BCR: variants seen among roughly 807,000 people sequenced by gnomAD.
BCR encodes the protein breakpoint cluster region protein.
A neutral mutation model predicts 138.6 loss-of-function variants in BCR; 58 were observed. That is an observed-to-expected ratio of 0.42 (90% CI 0.34 to 0.52). The LOEUF (loss-of-function observed/expected upper bound fraction) is 0.52. Ranked by LOEUF, BCR falls within the 20% of genes least tolerant of loss-of-function variation. The probability of loss-of-function intolerance (pLI) is 0.06; values close to 1 mark genes in which losing one functional copy is unlikely to be tolerated. For synonymous variants in BCR, 786 were observed against 730.1 expected, an observed-to-expected ratio of 1.08 and a Z score of -1.23; for missense variants, 1,599 against 1,727.2, an observed-to-expected ratio of 0.93 and a Z score of 1.32.
chr22:23,236,359 A>G (rs2073023756), intron 1 of BCR, among the ~76,000 whole-genome samples: 2 of 152,188 alleles, frequency 1.3e-5, no homozygotes, highest in South Asian at 4.1e-4. Flanking sequence ...GTTTGTCTGC[A>G]CTGCTGCTGT....
At chr22:23,234,643 A>G (rs10427784) in intron 1 of BCR, among the ~76,000 whole-genome samples, 2,355 of 152,246 alleles carry the variant, frequency 0.015, 58 homozygotes, top group African/African-American at 0.053. Context: ...TGGGAGGGCC[A>G]AGACTCAGGG....
intron 1 of BCR, among the ~76,000 whole-genome samples, chr22:23,199,745 G>A (rs1306961976): frequency 6.6e-6 from 1 of 152,160 alleles, no homozygotes; most frequent in African/African-American, 2.4e-5. Context: ...TTTCAAGTCT[G>A]TGAATTAATT....
At chr22:23,220,539 G>A (rs1423674728) in intron 1 of BCR, among the ~76,000 whole-genome samples, 1 of 152,234 alleles carries the variant, frequency 6.6e-6, no homozygotes, top group African/African-American at 2.4e-5. Flanking sequence ...TCTGCTAGGG[G>A]AGGTGGAAGC....
chr22:23,273,915 C>A, intron 8 of BCR, 141 bp downstream of exon 8: 2 of 1,236,458 alleles, frequency 1.6e-6, no homozygotes, highest in Non-Finnish European at 2.3e-6. Context: ...GCCGCACACT[C>A]AGTCCTGTGT....
intron 1 of BCR, among the ~76,000 whole-genome samples, chr22:23,237,642 G>A (rs1602050136): frequency 6.6e-6 from 1 of 152,360 alleles, no homozygotes; most frequent in African/African-American, 2.4e-5. Context: ...GATTTTTGCT[G>A]GAGAAGAGAA....
intron 1 of BCR, among the ~76,000 whole-genome samples, chr22:23,222,187 T>C (rs1402120812): frequency 6.6e-6 from 1 of 152,230 alleles, no homozygotes; most frequent in East Asian, 1.9e-4. Flanking sequence ...CTGCAGTCAC[T>C]ATGTGCTTTG....
At chr22:23,215,868 A>G (rs2072746072) in intron 1 of BCR, among the ~76,000 whole-genome samples, 1 of 151,916 alleles carries the variant, frequency 6.6e-6, no homozygotes, top group South Asian at 2.1e-4. Context: ...GGGATAGGGG[A>G]CCAGTTAATC....
chr22:23,288,900 G>T (rs2073749613), intron 12 of BCR, among the ~76,000 whole-genome samples: 1 of 152,204 alleles, frequency 6.6e-6, no homozygotes, highest in Non-Finnish European at 1.5e-5. Context: ...CATGCCTCTG[G>T]CCTGGCCTGA....
At chr22:23,198,659 G>T (rs1481837844) in intron 1 of BCR, among the ~76,000 whole-genome samples, 1 of 152,158 alleles carries the variant, frequency 6.6e-6, no homozygotes, top group East Asian at 1.9e-4. Flanking sequence ...GTGGTGCCTG[G>T]GGCAGAGCCT....
intron 1 of BCR, among the ~76,000 whole-genome samples, chr22:23,216,346 A>G (rs934047813): frequency 6.6e-6 from 1 of 152,234 alleles, no homozygotes; most frequent in Admixed American, 6.5e-5. Context: ...GCATTTTCCT[A>G]AGGAAAATTG....
intron 14 of BCR, chr22:23,291,224 AG>A (rs1364292503): frequency 6.6e-6 from 1 of 150,890 alleles, no homozygotes. Context: ...AAAAAAAAAA[AG>A]TTCCTAGAAA....
chr22:23,262,225 CT>C (rs1450699218), intron 4 of BCR, among the ~76,000 whole-genome samples: 1 of 152,258 alleles, frequency 6.6e-6, no homozygotes, highest in East Asian at 1.9e-4. Context: ...CCAGGCCCCC[CT>C]CTAAGTGTGA....
intron 8 of BCR, among the ~76,000 whole-genome samples, chr22:23,282,069 C>T (rs2073652770): frequency 6.6e-6 from 1 of 152,246 alleles, no homozygotes; most frequent in Admixed American, 6.5e-5. Flanking sequence ...CGCCACTGCC[C>T]CAGAAGGAAG....
chr22:23,261,531 C>T lies in BCR; in HGVS notation c.1743C>T (p.Phe581=), dbSNP rs2146275474. The stretch of plus-strand genomic sequence containing the variant: ...ACCAGCAGCGGGTGGGCGACCTCTT[C>T]CAGAAGCTGGTGAGTAACCCAGGGC... The part of the protein sequence containing the change: ...WSHQQRVGDL[F]QKLASQLGVY... Residue 581 remains phenylalanine (F), a synonymous_variant, in exon 4 of 23, where the codon TTC becomes TTT. Transcript: ENST00000305877. 1 of 1,612,066 alleles carries T rather than the reference C, an allele frequency of 6.2e-7. No individual in the cohort carries two copies. The highest frequency in any genetic ancestry group is 8.5e-7 in the Non-Finnish European group (1 of 1,180,012).
At chr22:23,200,086 CAAA>C (rs112561203) in intron 1 of BCR, among the ~76,000 whole-genome samples, 6 of 104,000 alleles carry the variant, frequency 5.8e-5, no homozygotes, top group Non-Finnish European at 6.4e-5. Flanking sequence ...GACTGCGTCT[CAAA>C]AAAAAAAAAA....
At chr22:23,287,516 G>C (rs1463218343) in intron 11 of BCR, among the ~76,000 whole-genome samples, 2 of 152,236 alleles carry the variant, frequency 1.3e-5, no homozygotes, top group Non-Finnish European at 2.9e-5. Context: ...GGAGGGTATA[G>C]GGCAGGGGAG....
At position 23,315,615 on chromosome 22, in the gene BCR, C is replaced by T. The variant is rs1447369348; in HGVS notation, c.*93C>T. 1.7e-6 allele frequency: 2 copies of T among 1,189,118 alleles called. No homozygotes were observed. Among genetic ancestry groups the T allele is most frequent in the East Asian group, 2.4e-5 (1 of 41,504 alleles). The allele number at this position is 1,189,118 out of a possible 1,614,324, so 73.7% of individuals were successfully genotyped here. On this transcript the variant is annotated 3_prime_UTR_variant, in exon 23 of 23. Transcript: ENST00000305877. ...AGAGCGGGAACCTTCCTGAGGTGTC[C>T]TTGGGCCACCCCCAAGTGTTGGGCC... is the stretch of plus-strand genomic sequence containing the variant.
chr22:23,295,216 C>A, intron 16 of BCR, 61 bp downstream of exon 16: 2 of 1,313,616 alleles, frequency 1.5e-6, no homozygotes, highest in South Asian at 2.4e-5. Context: ...CATGCAGCCC[C>A]TGGGGACACT....
intron 1 of BCR, among the ~76,000 whole-genome samples, chr22:23,189,608 C>T (rs1006989702): frequency 6.6e-6 from 1 of 152,164 alleles, no homozygotes; most frequent in African/African-American, 2.4e-5. Context: ...TCAAGTAATT[C>T]TCCTGCCTCA....
Sources: allele counts gnomAD v4.1 joint callset (sites outside exome capture counted in the v4.1 genomes callset), GRCh38; gene constraint gnomAD v4.1.1; transcripts MANE v1.5; gene names NCBI Gene and HGNC (gene_info 2026-07-23, HGNC 2026-07-21).